Variants in BAIAP2L1 observed in about 807,000 individuals in gnomAD.
BAIAP2L1 encodes the protein BAR/IMD domain-containing adapter protein 2-like 1.
In BAIAP2L1, 35 loss-of-function variants were observed where a neutral mutation model predicts 66.3. The ratio of observed to expected loss-of-function variants is 0.53; its 90% CI spans 0.40 to 0.70. The LOEUF (loss-of-function observed/expected upper bound fraction) is 0.70, where lower values mean the gene tolerates loss of function less well. Ranked by LOEUF, BAIAP2L1 falls within the 30% of genes least tolerant of loss-of-function variation. The probability of loss-of-function intolerance (pLI) is 0.00; values close to 1 mark genes in which losing one functional copy is unlikely to be tolerated. For synonymous variants in BAIAP2L1, 269 were observed against 248.7 expected (o/e 1.08, Z -0.77); for missense variants, 622 against 656.9 (o/e 0.95, Z 0.58).
At chr7:98,367,602 C>T (rs533137948) in intron 1 of BAIAP2L1, among the ~76,000 whole-genome samples, 1 of 142,348 alleles carries the variant, frequency 7.0e-6, no homozygotes, top group South Asian at 2.3e-4. Context: ...GTGACGCAAT[C>T]TCGGCTCACT....
chr7:98,319,011 C>T (rs13308560), intron 5 of BAIAP2L1, among the ~76,000 whole-genome samples: 18,069 of 151,144 alleles, frequency 0.12, 1,354 homozygotes, highest in South Asian at 0.23. Context: ...AATTAGATAA[C>T]GTATGTAAAT....
rs1323850992 is a variant in BAIAP2L1 at position 98,357,055 on chromosome 7, T to A, written c.128-1927A>T. On this transcript the variant is annotated intron_variant, in intron 2 of 13. Coordinates refer to ENST00000005260, the MANE Select transcript of BAIAP2L1 (RefSeq NM_018842.5). ...TATATATATATATATATATATTTTT[T>A]TTTTTTTTTTTTTAAGAGTAGGGGT... Among the ~76,000 whole-genome samples the A allele has an allele frequency of 7.2e-3, 277 of 38,714 alleles. 2 individuals are homozygous for A. Among genetic ancestry groups the A allele is most frequent in the African/African-American group, 0.011 (120 of 10,928 alleles). 25.4% of individuals were successfully genotyped at this position (38,714 alleles called of 152,430 possible). A position where few individuals can be genotyped will look rare whatever the true frequency, so the allele number is the denominator to read the frequency against.
rs766661364 is a variant in BAIAP2L1, at chr7:98,307,744, G to A, written c.1108C>T (p.Leu370Phe). Residue 370 changes from leucine to phenylalanine, a missense_variant, in exon 10 of 14, where the codon CTC becomes TTC. Physicochemically the swap from Leu to Phe is conservative, Grantham distance 22. Coordinates refer to ENST00000005260, the MANE Select transcript of BAIAP2L1 (RefSeq NM_018842.5). ...CAGCCATCCTTCTCCTCGGGGATGA[G>A]CAGCGTGATGACATCTCCCTGTGCA... ...SFAQGDVITL[L>F]IPEEKDGWLY... 6.2e-7 allele frequency: 1 copy of A among 1,614,118 alleles called. No individual in the cohort carries two copies. Among genetic ancestry groups the A allele is most frequent in the Admixed American group, 1.7e-5 (1 of 60,006 alleles).
At chr7:98,351,909 G>C (rs1269303971) in intron 3 of BAIAP2L1, among the ~76,000 whole-genome samples, 2 of 152,286 alleles carry the variant, frequency 1.3e-5, no homozygotes, top group African/African-American at 4.8e-5. Flanking sequence ...CGCACAGAAT[G>C]AACGTTTTGA....
chr7:98,325,548 C>T (rs564854569), intron 3 of BAIAP2L1, among the ~76,000 whole-genome samples: 57 of 151,598 alleles, frequency 3.8e-4, no homozygotes, highest in South Asian at 3.7e-3. Context: ...CTTGGTGGCG[C>T]GTGCCTGTAG....
At chr7:98,343,558 A>G (rs1801800134) in intron 3 of BAIAP2L1, among the ~76,000 whole-genome samples, 2 of 152,188 alleles carry the variant, frequency 1.3e-5, no homozygotes. Flanking sequence ...GCTCTGCCCA[A>G]CAAGACGAAG....
chr7:98,346,046 A>C (rs1004673059), intron 3 of BAIAP2L1, among the ~76,000 whole-genome samples: 1 of 152,226 alleles, frequency 6.6e-6, no homozygotes, highest in Non-Finnish European at 1.5e-5. Context: ...AAAATATCCT[A>C]AAGTTAATTG....
intron 2 of BAIAP2L1, among the ~76,000 whole-genome samples, chr7:98,360,920 C>T (rs1373414394): frequency 1.3e-5 from 2 of 152,266 alleles, no homozygotes; most frequent in Middle Eastern, 3.4e-3. Context: ...ACTTTTCCAG[C>T]GACTACACAC....
At chr7:98,383,569 G>A (rs1802814261) in intron 1 of BAIAP2L1, among the ~76,000 whole-genome samples, 1 of 151,982 alleles carries the variant, frequency 6.6e-6, no homozygotes, top group Non-Finnish European at 1.5e-5. Context: ...TTACAGGCGT[G>A]AGCCACTGCG....
chr7:98,400,568 G>A (rs1304692742), intron 1 of BAIAP2L1, among the ~76,000 whole-genome samples: 2 of 122,210 alleles, frequency 1.6e-5, no homozygotes, highest in Non-Finnish European at 3.5e-5. Flanking sequence ...GGGAGGGAAG[G>A]AGGAGGAAAA....
chr7:98,354,108 C>T lies in BAIAP2L1; in HGVS notation c.214+934G>A, dbSNP rs545499871. Among the ~76,000 whole-genome samples, 150 of 152,256 alleles carry T rather than the reference C, an allele frequency of 9.9e-4. 1 individual carries two copies. The highest frequency in any genetic ancestry group is 3.3e-3 in the African/African-American group (139 of 41,550). ...TCTACCGTGTGCCTATGGCTTTATA[C>T]GGAGACTGTGAGGACCCAGATCGCC... is the stretch of plus-strand genomic sequence containing the variant. On this transcript the variant is annotated intron_variant, in intron 3 of 13. Coordinates refer to ENST00000005260, the MANE Select transcript of BAIAP2L1 (RefSeq NM_018842.5).
chr7:98,350,512 A>T (rs1584476763), intron 3 of BAIAP2L1, among the ~76,000 whole-genome samples: 1 of 152,206 alleles, frequency 6.6e-6, no homozygotes, highest in East Asian at 1.9e-4. Context: ...TACAAAAATT[A>T]GCTGGGCGTG....
intron 12 of BAIAP2L1, among the ~76,000 whole-genome samples, chr7:98,296,137 C>T (rs183558963): frequency 3.3e-5 from 5 of 152,182 alleles, no homozygotes; most frequent in South Asian, 2.1e-4. Flanking sequence ...ACTGTCCCTA[C>T]GGGGCCACCC....
At chr7:98,304,084 CCA>C (rs1358519165) in intron 12 of BAIAP2L1, 110 bp downstream of exon 12, 1 of 1,168,788 alleles carries the variant, frequency 8.6e-7, no homozygotes. Context: ...CCCGGGGACA[CCA>C]CTCTCCCCCT....
chr7:98,303,593 G>T (rs1800513853), intron 12 of BAIAP2L1, among the ~76,000 whole-genome samples: 1 of 152,204 alleles, frequency 6.6e-6, no homozygotes, highest in Non-Finnish European at 1.5e-5. Flanking sequence ...GTCCGGCCTT[G>T]TTCTCCTCTA....
intron 12 of BAIAP2L1, among the ~76,000 whole-genome samples, chr7:98,301,494 T>TA (rs1562964491): frequency 6.7e-6 from 1 of 149,364 alleles, no homozygotes; most frequent in Non-Finnish European, 1.5e-5. Flanking sequence ...TATATATATA[T>TA]TTTAAGTGGA....
intron 1 of BAIAP2L1, among the ~76,000 whole-genome samples, chr7:98,371,486 A>C (rs1802509768): frequency 6.6e-6 from 1 of 152,232 alleles, no homozygotes; most frequent in Non-Finnish European, 1.5e-5. Flanking sequence ...GTTCCGCTGG[A>C]ACCAGCACAC....
chr7:98,366,891 TCTTC>T (rs1350233792), intron 1 of BAIAP2L1, among the ~76,000 whole-genome samples: 1 of 152,076 alleles, frequency 6.6e-6, no homozygotes, highest in Non-Finnish European at 1.5e-5. Flanking sequence ...TTCCCTCCTT[TCTTC>T]CTTCTTCTCT....
intron 9 of BAIAP2L1, 74 bp from the exon 10 acceptor site, chr7:98,307,970 C>G (rs780981619): frequency 7.2e-7 from 1 of 1,384,176 alleles, no homozygotes. Flanking sequence ...TGAGCAAACC[C>G]CAGGAATCCA....
Sources: allele counts gnomAD v4.1 joint callset (sites outside exome capture counted in the v4.1 genomes callset), GRCh38; gene constraint gnomAD v4.1.1; transcripts MANE v1.5; gene names NCBI Gene and HGNC (gene_info 2026-07-23, HGNC 2026-07-21).